Variants in PRDM8 observed in about 807,000 individuals in gnomAD.
PRDM8 encodes the protein PR/SET domain 8.
In PRDM8, 13 loss-of-function variants were observed where a neutral mutation model predicts 46.5. That is an observed-to-expected ratio of 0.28 (90% CI 0.18 to 0.44). The LOEUF is 0.44. Among genes scored for constraint, PRDM8 ranks in the 20% least tolerant of loss-of-function variants. The pLI is 1.00. For missense variants in PRDM8, 998 were observed against 955.0 expected (o/e 1.04, Z -0.59); for synonymous variants, 473 against 438.4 (o/e 1.08, Z -0.98).
rs1341422654 is a variant in PRDM8, at chr4:80,202,621, G to A, written c.1159G>A (p.Val387Met). The A allele has an allele frequency of 6.5e-7, 1 of 1,529,924 alleles. No individual in the cohort carries two copies. Among genetic ancestry groups the A allele is most frequent in the Non-Finnish European group, 8.7e-7 (1 of 1,144,442 alleles). 94.8% of individuals were successfully genotyped at this position (1,529,924 alleles called of 1,614,324 possible). Residue 387 changes from valine (V) to methionine (M), a missense_variant, in exon 4 of 4, where the codon GTG (valine) becomes ATG (methionine). Transcript: ENST00000415738. ...GGGCGAGGCGAAGCGCAGCGCCTTCGTGGAGGTGAAGAAGGCTGCCCGCGC... is the reference window on the plus strand; with the variant it reads ...GGGCGAGGCGAAGCGCAGCGCCTTCATGGAGGTGAAGAAGGCTGCCCGCGC... ...ETGEAKRSAFVEVKKAARAAS... is the reference protein window; with the variant it reads ...ETGEAKRSAFMEVKKAARAAS...
chr4:80,200,280 C>G lies in PRDM8; in HGVS notation c.200C>G (p.Thr67Arg), dbSNP rs755592237. 6.2e-7 allele frequency: 1 copy of G among 1,613,410 alleles called. No homozygotes were observed. The highest frequency in any genetic ancestry group is 1.3e-5 in the African/African-American group (1 of 74,972). ...GCTCTCAAGTCTACTGACAAGAGAA[C>G]AGTACCGTATATCTTTCGGGTAAGT... ...FIALKSTDKR[T>R]VPYIFRVDTS... Residue 67 changes from threonine (T) to arginine (R), a missense_variant, in exon 2 of 4, where the codon ACA becomes AGA. Thr to Arg is a moderately conservative substitution (Grantham distance 71, BLOSUM62 -1). Coordinates refer to ENST00000415738, the MANE Select transcript of PRDM8 (RefSeq NM_001099403.2).
chr4:80,202,551 C>T lies in PRDM8; in HGVS notation c.1089C>T (p.Gly363=), dbSNP rs1578264813. 1 of 1,535,318 alleles carries T rather than the reference C, an allele frequency of 6.5e-7. No homozygotes were observed. Among genetic ancestry groups the T allele is most frequent in the Non-Finnish European group, 8.7e-7 (1 of 1,146,428 alleles). ...QQYRASGSYF[G]LEENGRLFAP... Reference sequence around the variant, plus strand: ...ACCGAGCCTCGGGCAGCTACTTCGGCCTGGAAGAGAACGGCCGCCTCTTCG... The same window carrying T: ...ACCGAGCCTCGGGCAGCTACTTCGGTCTGGAAGAGAACGGCCGCCTCTTCG... The change falls in exon 4 of 4, where the codon GGC becomes GGT. Residue 363 remains glycine (G), a synonymous_variant. Coordinates refer to ENST00000415738, the MANE Select transcript of PRDM8 (RefSeq NM_001099403.2).
rs778864625 is a variant in PRDM8, at chr4:80,202,007, T to G, written c.545T>G (p.Leu182Arg). Residue 182 changes from leucine (L) to arginine (R), a missense_variant, in exon 4 of 4, where the codon CTT becomes CGT. Leu to Arg is a moderately radical substitution (Grantham distance 102, BLOSUM62 -2). Transcript: ENST00000415738. ...CTGCGTTTCCGCTGCCCCAAGAGAC[T>G]TCACAGCGCTGATATAAGTCCCCAA... ...AHLRFRCPKR[L>R]HSADISPQDE... 6.2e-7 allele frequency: 1 copy of G among 1,614,022 alleles called. No homozygotes were observed. Among genetic ancestry groups the G allele is most frequent in the Non-Finnish European group, 8.5e-7 (1 of 1,179,990 alleles).
rs368117727 is a variant in PRDM8 at position 80,201,310 on chromosome 4, T to C, written c.240T>C (p.Asn80=). The change falls in exon 3 of 4, where the codon AAT becomes AAC. Residue 80 remains asparagine (N), a synonymous_variant. Transcript: ENST00000415738. Reference sequence around the variant, plus strand: ...CGCAGGTAGACACCTCAGCAGCAAATGGTTCCTCAGAAGGTCTCATGTGGC... The same window carrying C: ...CGCAGGTAGACACCTCAGCAGCAAACGGTTCCTCAGAAGGTCTCATGTGGC... ...YIFRVDTSAA[N]GSSEGLMWLR... The C allele has an allele frequency of 9.9e-6, 16 of 1,614,088 alleles. No homozygotes were observed. The highest frequency in any genetic ancestry group is 1.4e-5 in the Non-Finnish European group (16 of 1,180,052).
intron 1 of PRDM8, among the ~76,000 whole-genome samples, chr4:80,186,393 G>A (rs1737077715): frequency 6.7e-6 from 1 of 150,136 alleles, no homozygotes; most frequent in East Asian, 2.0e-4. Flanking sequence ...AGGAAATAAG[G>A]GAGGAAGGAA....
rs1214922311 is a variant in PRDM8, at chr4:80,202,085, G to A, written c.623G>A (p.Gly208Asp). 1 of 1,610,990 alleles carries A rather than the reference G, an allele frequency of 6.2e-7. No homozygotes were observed. Among genetic ancestry groups the A allele is most frequent in the Admixed American group, 1.7e-5 (1 of 59,782 alleles). ...GTKDHGGGGGGGKDQQQQQQE... is the reference protein window; with the variant it reads ...GTKDHGGGGGDGKDQQQQQQE... ...AAGGACCACGGGGGCGGCGGCGGCG[G>A]TGGCAAAGACCAGCAGCAGCAGCAG... Residue 208 changes from glycine (G) to aspartate (D), a missense_variant, in exon 4 of 4, where the codon GGT becomes GAT. By Grantham distance (94) the Gly-to-Asp change is moderately conservative (BLOSUM62 -1). Transcript: ENST00000415738.
intron 3 of PRDM8, 50 bp from the exon 4 acceptor site, chr4:80,201,864 G>A (rs1280830828): frequency 5.0e-6 from 8 of 1,604,078 alleles, no homozygotes; most frequent in Non-Finnish European, 6.8e-6. Context: ...GTGTGCGTGT[G>A]TGTGTGTGTG....
rs1738537347 is a variant in PRDM8, at chr4:80,202,210, G to T, written c.748G>T (p.Ala250Ser). The T allele has an allele frequency of 6.2e-7, 1 of 1,611,646 alleles. No individual in the cohort carries two copies. The change falls in exon 4 of 4, where the codon GCC (alanine) becomes TCC (serine). Residue 250 changes from alanine to serine, a missense_variant. Physicochemically the swap from Ala to Ser is moderately conservative, Grantham distance 99. Coordinates refer to ENST00000415738, the MANE Select transcript of PRDM8 (RefSeq NM_001099403.2). The stretch of plus-strand genomic sequence containing the variant: ...GGAAAGCAGCAACCCATCCGCTGCC[G>T]CCGGCGGCAGCAGCGCGAAGCCATC... Reference protein sequence around the residue: ...SPESSNPSAAAGGSSAKPSTD... With the variant: ...SPESSNPSAASGGSSAKPSTD...
rs757552832 is a variant in PRDM8 at position 80,201,291 on chromosome 4, T to C, written c.221T>C (p.Val74Ala). ...TCTTTCATTTATTTCAAACCGCAGG[T>C]AGACACCTCAGCAGCAAATGGTTCC... ...DKRTVPYIFR[V>A]DTSAANGSSE... Residue 74 changes from valine to alanine, a missense_variant and splice_region_variant, in exon 3 of 4, where the codon GTA (valine) becomes GCA (alanine). Val to Ala is a moderately conservative substitution (Grantham distance 64). Coordinates refer to ENST00000415738, the MANE Select transcript of PRDM8 (RefSeq NM_001099403.2). 4 of 1,614,054 alleles carry C rather than the reference T, an allele frequency of 2.5e-6. No individual in the cohort carries two copies. The highest frequency in any genetic ancestry group is 4.5e-5 in the East Asian group (2 of 44,890).
Position 80,202,321 on chromosome 4 carries a change from AGCGGCAGCGGCG to A in PRDM8, c.865_876del (p.Ser289_Gly292del). Reference sequence around the variant, plus strand: ...CCCAGCCCAGAGCCTCAGCAGCGGTAGCGGCAGCGGCGGCGGCGGCGGCCACCAGGAGGCGGA... The same window carrying A: ...CCCAGCCCAGAGCCTCAGCAGCGGTAGCGGCGGCGGCCACCAGGAGGCGGA... On this transcript the variant is annotated inframe_deletion, in exon 4 of 4. Coordinates refer to ENST00000415738, the MANE Select transcript of PRDM8 (RefSeq NM_001099403.2). The A allele has an allele frequency of 6.2e-7, 1 of 1,601,288 alleles. No homozygotes were observed. The highest frequency in any genetic ancestry group is 1.7e-5 in the Admixed American group (1 of 59,370).
intron 1 of PRDM8, 120 bp downstream of exon 1, chr4:80,197,883 G>A: frequency 2.3e-6 from 2 of 867,212 alleles, no homozygotes; most frequent in Non-Finnish European, 1.4e-6. Context: ...TAATTCTTGA[G>A]GGGCTGTCTA....
rs552217106 is a variant in PRDM8, at chr4:80,202,486, C to A, written c.1024C>A (p.Pro342Thr). The A allele has an allele frequency of 6.5e-6, 10 of 1,542,446 alleles. No homozygotes were observed. In the South Asian group the frequency reaches 9.5e-5, roughly 15 times the overall value. Residue 342 changes from proline (P) to threonine (T), a missense_variant, in exon 4 of 4, where the codon CCG (proline) becomes ACG (threonine). Physicochemically the swap from Pro to Thr is conservative, Grantham distance 38. Transcript: ENST00000415738. ...GGGCCGCTTCGTAGAGCGGCCCCTC[C>A]CGGCCTCCAAGGAGGATCTGGTGTG... ...GRGRFVERPL[P>T]ASKEDLVCTP...
Position 80,202,698 on chromosome 4 carries a change from G to A in PRDM8, c.1236G>A (p.Glu412=), listed in dbSNP as rs1296620793. Residue 412 remains glutamate, a synonymous_variant, in exon 4 of 4, where the codon GAG becomes GAA. Coordinates refer to ENST00000415738, the MANE Select transcript of PRDM8 (RefSeq NM_001099403.2). ...GTADGAGVAS[E]DQDAGGGGGS... Reference sequence around the variant, plus strand: ...CCGACGGCGCGGGAGTCGCCTCCGAGGACCAGGACGCTGGCGGCGGCGGCG... The same window carrying A: ...CCGACGGCGCGGGAGTCGCCTCCGAAGACCAGGACGCTGGCGGCGGCGGCG... 2.4e-5 allele frequency: 32 copies of A among 1,331,392 alleles called. No individual in the cohort carries two copies. The Admixed American group carries it at 2.8e-4, about 12-fold the overall frequency. 82.5% of individuals were successfully genotyped at this position (1,331,392 alleles called of 1,614,324 possible). A position where few individuals can be genotyped will look rare whatever the true frequency, so the allele number is the denominator to read the frequency against.
upstream of PRDM8, chr4:80,197,261 T>C (rs540682306): frequency 3.1e-6 from 3 of 983,286 alleles, no homozygotes; most frequent in South Asian, 1.4e-4. Flanking sequence ...CTCCTAGCAG[T>C]CCCAGAGGGC....
chr4:80,200,287 G>A lies in PRDM8; in HGVS notation c.207G>A (p.Pro69=), dbSNP rs1042646290. The change falls in exon 2 of 4, where the codon CCG becomes CCA. Residue 69 remains proline (P), a synonymous_variant. Coordinates refer to ENST00000415738, the MANE Select transcript of PRDM8 (RefSeq NM_001099403.2). ...ALKSTDKRTV[P]YIFRVDTSAA... ...AGTCTACTGACAAGAGAACAGTACC[G>A]TATATCTTTCGGGTAAGTCTCCACT... is the stretch of plus-strand genomic sequence containing the variant. 5.6e-6 allele frequency: 9 copies of A among 1,612,706 alleles called. No homozygotes were observed. Among genetic ancestry groups the A allele is most frequent in the African/African-American group, 2.7e-5 (2 of 74,858 alleles).
chr4:80,202,821 T>C lies in PRDM8; in HGVS notation c.1359T>C (p.Ser453=). ...TGCCCAGCCGGCTCGAGGGCGGCAG[T>C]CCTGCGAGGGGCAGCGCCTTCACTT... The part of the protein sequence containing the change: ...GPLPSRLEGG[S]PARGSAFTSV... The change falls in exon 4 of 4, where the codon AGT becomes AGC. Residue 453 remains serine, a synonymous_variant. Transcript: ENST00000415738. The C allele has an allele frequency of 8.1e-7, 1 of 1,228,130 alleles. No homozygotes were observed. Among genetic ancestry groups the C allele is most frequent in the Non-Finnish European group, 1.0e-6 (1 of 988,814 alleles). The allele number at this position is 1,228,130 out of a possible 1,614,324, so 76.1% of individuals were successfully genotyped here. A position where few individuals can be genotyped will look rare whatever the true frequency, so the allele number is the denominator to read the frequency against.
chr4:80,194,158 C>T (rs996762423), upstream of PRDM8: 36 of 959,334 alleles, frequency 3.8e-5, no homozygotes, highest in Non-Finnish European at 4.3e-5. Context: ...TCTCTCCAGC[C>T]CACTCTTCCA....
upstream of PRDM8, chr4:80,196,048 C>T (rs1737935866): frequency 1.1e-5 from 11 of 985,062 alleles, no homozygotes; most frequent in Middle Eastern, 5.2e-4. Context: ...ACTGCAGTCA[C>T]CAGGCTGTCA....
Position 80,202,122 on chromosome 4 carries a change from T to A in PRDM8, c.660T>A (p.Pro220=). 1 of 1,602,126 alleles carries A rather than the reference T, an allele frequency of 6.2e-7. No homozygotes were observed. The highest frequency in any genetic ancestry group is 2.3e-5 in the East Asian group (1 of 44,220). Residue 220 remains proline, a synonymous_variant, in exon 4 of 4, where the codon CCT becomes CCA. Coordinates refer to ENST00000415738, the MANE Select transcript of PRDM8 (RefSeq NM_001099403.2). Reference sequence around the variant, plus strand: ...AGCAGCAGCAGCAGCAGGAGGCACCTTTAGGCCCGGGTCCCAAGTTTTGCA... The same window carrying A: ...AGCAGCAGCAGCAGCAGGAGGCACCATTAGGCCCGGGTCCCAAGTTTTGCA... The part of the protein sequence containing the change: ...KDQQQQQQEA[P]LGPGPKFCKA...
Sources: allele counts gnomAD v4.1 joint callset (sites outside exome capture counted in the v4.1 genomes callset), GRCh38; gene constraint gnomAD v4.1.1; transcripts MANE v1.5; gene names NCBI Gene and HGNC (gene_info 2026-07-23, HGNC 2026-07-21).